TSHZ2: variants seen among roughly 807,000 people sequenced by gnomAD.
TSHZ2 encodes teashirt zinc finger homeobox 2.
A neutral mutation model predicts 74.4 loss-of-function variants in TSHZ2; 21 were observed. The ratio of observed to expected loss-of-function variants is 0.28; its 90% confidence interval spans 0.20 to 0.41. TSHZ2 has a LOEUF of 0.41. TSHZ2 is among the 10% of genes least tolerant of loss of function. The pLI is 1.00. For synonymous variants in TSHZ2, 540 were observed against 515.3 expected, an observed-to-expected ratio of 1.05 and a Z score of -0.65; for missense variants, 1,244 against 1,293.5, an observed-to-expected ratio of 0.96 and a Z score of 0.59.
intron 2 of TSHZ2, among the ~76,000 whole-genome samples, chr20:53,463,792 C>A: frequency 6.6e-6 from 1 of 152,174 alleles, no homozygotes. Context: ...GAGGCGGGAG[C>A]CTCAGCTGGA....
intron 1 of TSHZ2, among the ~76,000 whole-genome samples, chr20:53,134,239 A>C (rs534672223): frequency 6.6e-6 from 1 of 152,300 alleles, no homozygotes; most frequent in African/African-American, 2.4e-5. Flanking sequence ...CAATGAAAAC[A>C]CTGTGCTCCA....
Position 53,054,914 on chromosome 20 carries a change from T to G in TSHZ2, c.40+81581T>G, listed in dbSNP as rs893629759. Among the ~76,000 whole-genome samples, 11 of 152,168 alleles carry G rather than the reference T, an allele frequency of 7.2e-5. 1 individual carries two copies. The highest frequency in any genetic ancestry group is 6.5e-5 in the Admixed American group (1 of 15,268). On this transcript the variant is annotated intron_variant, in intron 1 of 2. Coordinates refer to ENST00000371497, the MANE Select transcript of TSHZ2 (RefSeq NM_173485.6). ...TCATGCTCATTTAAAGGAGGTGTTT[T>G]TGCTTAGTTCCTGACAATTACTGTC...
At chr20:53,394,906 A>AT (rs1030243565) in intron 2 of TSHZ2, among the ~76,000 whole-genome samples, 4 of 145,812 alleles carry the variant, frequency 2.7e-5, no homozygotes, top group African/African-American at 1.0e-4. Context: ...TCCCCTCCAC[A>AT]TGCAGCCTCC....
chr20:53,083,344 C>T (rs1985593224), intron 1 of TSHZ2, among the ~76,000 whole-genome samples: 1 of 152,164 alleles, frequency 6.6e-6, no homozygotes, highest in Non-Finnish European at 1.5e-5. Flanking sequence ...TAAGACATTG[C>T]TTGTAGGCCT....
At chr20:53,396,921 C>T (rs925696707) in intron 2 of TSHZ2, among the ~76,000 whole-genome samples, 4 of 149,452 alleles carry the variant, frequency 2.7e-5, no homozygotes, top group African/African-American at 9.8e-5. Flanking sequence ...CCAAGGCAAA[C>T]ATGTAGAAAG....
intron 1 of TSHZ2, among the ~76,000 whole-genome samples, chr20:53,239,234 A>G (rs1990010593): frequency 6.6e-6 from 1 of 152,180 alleles, no homozygotes; most frequent in South Asian, 2.1e-4. Context: ...AAATCACCCC[A>G]GATGAGTCAT....
chr20:53,177,839 T>C (rs1309651171), intron 1 of TSHZ2, among the ~76,000 whole-genome samples: 1 of 151,986 alleles, frequency 6.6e-6, no homozygotes, highest in Admixed American at 6.6e-5. Flanking sequence ...TTGAGAGGAG[T>C]TGCCCCTTAC....
intron 1 of TSHZ2, among the ~76,000 whole-genome samples, chr20:53,087,003 G>C (rs1000272132): frequency 6.6e-6 from 1 of 152,196 alleles, no homozygotes; most frequent in East Asian, 1.9e-4. Flanking sequence ...TTTCATGCTA[G>C]ATAGGATGGC....
intron 2 of TSHZ2, among the ~76,000 whole-genome samples, chr20:53,372,263 G>C (rs1981501766): frequency 6.6e-6 from 1 of 151,872 alleles, no homozygotes; most frequent in Non-Finnish European, 1.5e-5. Flanking sequence ...ACCACTTGAG[G>C]TCAGAAGTTT....
chr20:53,410,970 C>T (rs553451660), intron 2 of TSHZ2, among the ~76,000 whole-genome samples: 2 of 152,218 alleles, frequency 1.3e-5, no homozygotes, highest in African/African-American at 2.4e-5. Flanking sequence ...CCACCATGCC[C>T]GGCCATTGGT....
intron 1 of TSHZ2, among the ~76,000 whole-genome samples, chr20:53,109,818 T>C (rs2525481): frequency 0.076 from 11,585 of 152,214 alleles, 513 homozygotes; most frequent in Non-Finnish European, 0.1. Context: ...TCTGTGATGA[T>C]GCTTTTGCTC....
chr20:53,270,311 C>T (rs1312290448), intron 2 of TSHZ2, among the ~76,000 whole-genome samples: 1 of 152,132 alleles, frequency 6.6e-6, no homozygotes, highest in Non-Finnish European at 1.5e-5. Flanking sequence ...TACCAGAGCC[C>T]AATTCTTGCC....
At chr20:53,408,845 A>G (rs551730286) in intron 2 of TSHZ2, among the ~76,000 whole-genome samples, 1 of 152,318 alleles carries the variant, frequency 6.6e-6, no homozygotes, top group South Asian at 2.1e-4. Context: ...TCAACTGAGC[A>G]GTGGGGTGAT....
chr20:53,224,841 C>G (rs1028802730), intron 1 of TSHZ2, among the ~76,000 whole-genome samples: 1 of 143,888 alleles, frequency 6.9e-6, no homozygotes, highest in Non-Finnish European at 1.5e-5. Flanking sequence ...CAGAGCAAGA[C>G]TCCATCTCAA....
chr20:53,409,679 C>T (rs192224533), intron 2 of TSHZ2, among the ~76,000 whole-genome samples: 32 of 152,108 alleles, frequency 2.1e-4, no homozygotes, highest in South Asian at 6.2e-4. Flanking sequence ...ATGAGATGAA[C>T]GCTTTGCTTT....
intron 1 of TSHZ2, among the ~76,000 whole-genome samples, chr20:53,151,152 A>C (rs970816728): frequency 6.6e-6 from 1 of 151,998 alleles, no homozygotes; most frequent in African/African-American, 2.4e-5. Context: ...TTCTATCACT[A>C]TTTTTCTCCC....
intron 1 of TSHZ2, among the ~76,000 whole-genome samples, chr20:53,015,032 A>G (rs1982985240): frequency 6.6e-6 from 1 of 152,054 alleles, no homozygotes; most frequent in Non-Finnish European, 1.5e-5. Context: ...TTGTTGCCCC[A>G]CACTGCATGG....
intron 2 of TSHZ2, among the ~76,000 whole-genome samples, chr20:53,429,821 T>TTGTGTGTGTGTGTGTGTG (rs145356694): frequency 1.1e-3 from 165 of 151,616 alleles, no homozygotes; most frequent in African/African-American, 3.8e-3. Flanking sequence ...GCATATTCAA[T>TTGTGTGTGTGTGTGTGTG]TGTGTGTGTG....
chr20:53,263,006 T>C (rs1990633643), intron 2 of TSHZ2, among the ~76,000 whole-genome samples: 1 of 152,144 alleles, frequency 6.6e-6, no homozygotes, highest in Admixed American at 6.5e-5. Context: ...TGGAAAATAG[T>C]TGTTTGGTTT....
Sources: gnomAD v4.1 joint callset for allele counts (sites outside exome capture counted in the v4.1 genomes callset) on GRCh38, gnomAD v4.1.1 for gene constraint, MANE v1.5 for transcripts, NCBI Gene and HGNC (gene_info 2026-07-23, HGNC 2026-07-21) for gene names.